The following RAD54B variants were observed in gnomAD, a reference collection of about 807,000 sequenced individuals.
RAD54B encodes the protein DNA repair and recombination protein RAD54B.
In RAD54B, 78 loss-of-function variants were observed where a neutral mutation model predicts 95.8. That is an observed-to-expected ratio of 0.81 (90% CI 0.68 to 0.98). RAD54B has a LOEUF of 0.98. Ranked by LOEUF, RAD54B falls within the 50% of genes least tolerant of loss-of-function variation. RAD54B has a pLI of 0.00. For synonymous variants in RAD54B, 328 were observed against 354.9 expected, an observed-to-expected ratio of 0.92 and a Z score of 0.85; for missense variants, 957 against 1,056.6, an observed-to-expected ratio of 0.91 and a Z score of 1.31.
intron 5 of RAD54B, among the ~76,000 whole-genome samples, chr8:94,406,923 T>TA (rs952964711): frequency 7.9e-5 from 12 of 152,110 alleles, no homozygotes; most frequent in African/African-American, 2.4e-4. Context: ...TCTTTTTTTT[T>TA]AATGTGATTT....
chr8:94,398,894 T>C (rs2130004358), intron 8 of RAD54B, among the ~76,000 whole-genome samples: 1 of 152,224 alleles, frequency 6.6e-6, no homozygotes, highest in African/African-American at 2.4e-5. Flanking sequence ...ATGTAGCATA[T>C]ACATATAAAA....
At chr8:94,464,678 A>G (rs1812982101) in intron 2 of RAD54B, among the ~76,000 whole-genome samples, 1 of 152,204 alleles carries the variant, frequency 6.6e-6, no homozygotes, top group Non-Finnish European at 1.5e-5. Flanking sequence ...TAGTAAGTAG[A>G]CTGTATGGTA....
At chr8:94,455,393 A>G (rs2130171446) in intron 3 of RAD54B, among the ~76,000 whole-genome samples, 1 of 152,338 alleles carries the variant, frequency 6.6e-6, no homozygotes, top group Non-Finnish European at 1.5e-5. Context: ...GTTTGATTTA[A>G]AACCTTAACA....
chr8:94,436,820 C>A, intron 3 of RAD54B: 1 of 1,546,692 alleles, frequency 6.5e-7, no homozygotes, highest in East Asian at 2.4e-5. Flanking sequence ...TTTAGCAAAT[C>A]AAGCTTTTCG....
chr8:94,430,707 T>TTTGTG lies in RAD54B; in HGVS notation c.305-19393_305-19392insCACAA, dbSNP rs1812070801. 7 of 927,352 alleles carry TTTGTG rather than the reference T, an allele frequency of 7.5e-6. 1 individual carries two copies. The South Asian group carries it at 3.0e-4, about 40-fold the overall frequency. The allele number at this position is 927,352 out of a possible 1,614,324, so 57.4% of individuals were successfully genotyped here. A position where few individuals can be genotyped will look rare whatever the true frequency, so the allele number is the denominator to read the frequency against. Reference sequence around the variant, plus strand: ...CACTCACATGTTGTCTGTATAATGTTTTAAAAGCATTTTGTGTTATTTGCA... The same window carrying TTTGTG: ...CACTCACATGTTGTCTGTATAATGTTTTGTGTTAAAAGCATTTTGTGTTATTTGCA... On this transcript the variant is annotated intron_variant, in intron 3 of 14. Transcript: ENST00000336148.
chr8:94,388,559 C>A (rs776053085), intron 10 of RAD54B, among the ~76,000 whole-genome samples: 9 of 152,094 alleles, frequency 5.9e-5, no homozygotes, highest in Non-Finnish European at 1.3e-4. Flanking sequence ...TGTTTAAGAT[C>A]GAATGACTTT....
intron 11 of RAD54B, among the ~76,000 whole-genome samples, chr8:94,384,397 A>C (rs2470745): frequency 0.88 from 133,722 of 152,106 alleles, 59,677 homozygotes; most frequent in Non-Finnish European, 0.96. Flanking sequence ...TGGTCAGTAA[A>C]ATAAAGAAAG....
intron 2 of RAD54B, among the ~76,000 whole-genome samples, chr8:94,463,268 TA>T (rs537405630): frequency 0.044 from 5,493 of 123,490 alleles, 108 homozygotes; most frequent in Non-Finnish European, 0.059. Context: ...GACTTCACCT[TA>T]AAAAAAAAAA....
intron 2 of RAD54B, among the ~76,000 whole-genome samples, chr8:94,464,363 A>T (rs929175465): frequency 1.3e-5 from 2 of 152,144 alleles, no homozygotes; most frequent in African/African-American, 4.8e-5. Flanking sequence ...GACCTGTAGA[A>T]GCTGGAGAAA....
At chr8:94,394,495 A>G (rs1316864000) in intron 8 of RAD54B, among the ~76,000 whole-genome samples, 2 of 152,170 alleles carry the variant, frequency 1.3e-5, no homozygotes, top group Non-Finnish European at 2.9e-5. Flanking sequence ...TGAAGTACCC[A>G]GCAAAATGCC....
intron 3 of RAD54B, among the ~76,000 whole-genome samples, chr8:94,433,829 C>A (rs1586168029): frequency 6.6e-6 from 1 of 151,362 alleles, no homozygotes; most frequent in East Asian, 1.9e-4. Context: ...TAATAAGAAA[C>A]ATAATTAAAA....
chr8:94,417,028 A>C (rs545694892), intron 3 of RAD54B, among the ~76,000 whole-genome samples: 4 of 152,222 alleles, frequency 2.6e-5, no homozygotes, highest in Non-Finnish European at 5.9e-5. Context: ...TGGCATATGC[A>C]TACAATGGAA....
intron 3 of RAD54B, among the ~76,000 whole-genome samples, chr8:94,456,170 G>C (rs1362611170): frequency 1.3e-5 from 2 of 152,122 alleles, no homozygotes; most frequent in East Asian, 3.8e-4. Context: ...CCTAAGCTTT[G>C]GGGGAAGTCA....
At chr8:94,401,280 A>G (rs1266808896) in intron 6 of RAD54B, among the ~76,000 whole-genome samples, 2 of 152,102 alleles carry the variant, frequency 1.3e-5, no homozygotes, top group East Asian at 1.9e-4. Context: ...CCTCCCTTCT[A>G]TCTCCTCCAC....
chr8:94,379,661 C>G (rs1179072043), intron 12 of RAD54B, among the ~76,000 whole-genome samples: 2 of 152,310 alleles, frequency 1.3e-5, no homozygotes, highest in South Asian at 2.1e-4. Flanking sequence ...TGCAAACCTA[C>G]AGGTAGAAAA....
At chr8:94,453,988 A>G (rs1812724531) in intron 3 of RAD54B, among the ~76,000 whole-genome samples, 3 of 151,942 alleles carry the variant, frequency 2.0e-5, no homozygotes, top group Admixed American at 2.0e-4. Context: ...ACAGGGCTTC[A>G]CCATGTTGGC....
intron 12 of RAD54B, among the ~76,000 whole-genome samples, chr8:94,379,317 T>C (rs981381006): frequency 2.0e-5 from 3 of 152,320 alleles, no homozygotes; most frequent in Non-Finnish European, 4.4e-5. Context: ...AGGTGTTCCA[T>C]GACTACAGAA....
intron 1 of RAD54B, among the ~76,000 whole-genome samples, chr8:94,468,784 AC>A (rs1813093743): frequency 6.6e-6 from 1 of 151,960 alleles, no homozygotes; most frequent in Non-Finnish European, 1.5e-5. Flanking sequence ...AGCTCAGATC[AC>A]GCCACTGCAC....
rs1199538753 is a variant in RAD54B at position 94,427,667 on chromosome 8, G to A, written c.305-16352C>T. The A allele has an allele frequency of 9.3e-6, 9 of 967,732 alleles. No individual in the cohort carries two copies. In the Admixed American group the frequency reaches 4.3e-4, roughly 46 times the overall value. The allele number at this position is 967,732 out of a possible 1,614,324, so 59.9% of individuals were successfully genotyped here. ...CTCATCAAAAAATTTTACCTCTACAGTACTGAATTATTTGTCTTAACGGCA... is the reference window on the plus strand; with the variant it reads ...CTCATCAAAAAATTTTACCTCTACAATACTGAATTATTTGTCTTAACGGCA... On this transcript the variant is annotated intron_variant, in intron 3 of 14. Coordinates refer to ENST00000336148, the MANE Select transcript of RAD54B (RefSeq NM_012415.3).
Sources: gnomAD v4.1 joint callset for allele counts (sites outside exome capture counted in the v4.1 genomes callset) on GRCh38, gnomAD v4.1.1 for gene constraint, MANE v1.5 for transcripts, NCBI Gene and HGNC (gene_info 2026-07-23, HGNC 2026-07-21) for gene names.